Variants in GCH1 observed in about 807,000 individuals in gnomAD.
GCH1 encodes the protein GTP cyclohydrolase 1.
In GCH1, 5 loss-of-function variants were observed where a neutral mutation model predicts 25.9. That is an observed-to-expected ratio of 0.19 (90% CI 0.10 to 0.41). GCH1 has a LOEUF of 0.41. Ranked by LOEUF, GCH1 falls within the 10% of genes least tolerant of loss-of-function variation. GCH1 has a pLI of 1.00. For missense variants in GCH1, 261 were observed against 336.5 expected (o/e 0.78, Z 1.75); for synonymous variants, 159 against 129.6 (o/e 1.23, Z -1.54).
chr14:54,870,417 G>C (rs1219773090), intron 1 of GCH1, among the ~76,000 whole-genome samples: 1 of 151,710 alleles, frequency 6.6e-6, no homozygotes, highest in Non-Finnish European at 1.5e-5. Flanking sequence ...ACAGCTCCCA[G>C]TGTGAGCAAC....
chr14:54,870,800 G>C (rs1270281525), intron 1 of GCH1, among the ~76,000 whole-genome samples: 2 of 152,222 alleles, frequency 1.3e-5, no homozygotes, highest in East Asian at 3.8e-4. Flanking sequence ...GAGGCTGGGG[G>C]AGGGGCACCC....
At chr14:54,889,533 T>G (rs1022121275) in intron 1 of GCH1, among the ~76,000 whole-genome samples, 2 of 152,166 alleles carry the variant, frequency 1.3e-5, no homozygotes, top group African/African-American at 4.8e-5. Context: ...TCACAAACAT[T>G]TGGACCAACT....
At chr14:54,872,316 C>G (rs1454063235) in intron 1 of GCH1, among the ~76,000 whole-genome samples, 1 of 152,034 alleles carries the variant, frequency 6.6e-6, no homozygotes, top group Non-Finnish European at 1.5e-5. Context: ...TTGTCACCAC[C>G]ACGCCTGCCC....
intron 3 of GCH1, among the ~76,000 whole-genome samples, chr14:54,857,949 G>C (rs1297323850): frequency 6.6e-6 from 1 of 152,144 alleles, no homozygotes; most frequent in Non-Finnish European, 1.5e-5. Context: ...ATTCTTTCAT[G>C]GTGCCAAGCA....
intron 1 of GCH1, among the ~76,000 whole-genome samples, chr14:54,874,135 C>T (rs1179594187): frequency 6.6e-6 from 1 of 152,192 alleles, no homozygotes; most frequent in African/African-American, 2.4e-5. Context: ...CATCAAAAAG[C>T]TTGTCCACCA....
rs755299126 is a variant in GCH1 at position 54,902,513 on chromosome 14, C to A, written c.151G>T (p.Asp51Tyr). The change falls in exon 1 of 6, where the codon GAC becomes TAC. Residue 51 changes from aspartate to tyrosine, a missense_variant. This residue lies in a region of GCH1 where 125 missense variants were observed against 128.7 expected (regional missense o/e 0.97). Transcript: ENST00000491895. Reference sequence around the variant, plus strand: ...CGGGGCCGCTCGCCCTTCCAGCCGTCCGCGGGCTGCGCGCTCTTGGCCTCG... The same window carrying A: ...CGGGGCCGCTCGCCCTTCCAGCCGTACGCGGGCTGCGCGCTCTTGGCCTCG... ...RPEAKSAQPA[D>Y]GWKGERPRSE... 1 of 1,597,002 alleles carries A rather than the reference C, an allele frequency of 6.3e-7. No homozygotes were observed. Among genetic ancestry groups the A allele is most frequent in the Admixed American group, 1.7e-5 (1 of 57,892 alleles).
At chr14:54,872,161 C>A (rs1157671900) in intron 1 of GCH1, among the ~76,000 whole-genome samples, 1 of 152,184 alleles carries the variant, frequency 6.6e-6, no homozygotes, top group Non-Finnish European at 1.5e-5. Flanking sequence ...GGCAGAAACT[C>A]TACAAGCCAG....
chr14:54,861,464 G>T (rs763943826), intron 2 of GCH1, among the ~76,000 whole-genome samples: 1 of 152,050 alleles, frequency 6.6e-6, no homozygotes, highest in Non-Finnish European at 1.5e-5. Context: ...GGCCAGGAGT[G>T]GTGGCTCACA....
intron 3 of GCH1, among the ~76,000 whole-genome samples, chr14:54,854,986 T>A (rs1566663752): frequency 6.6e-6 from 1 of 152,136 alleles, no homozygotes; most frequent in Non-Finnish European, 1.5e-5. Flanking sequence ...ATACTAGTAA[T>A]TTAAACTTCA....
chr14:54,872,936 C>T lies in GCH1; in HGVS notation c.344-7500G>A, dbSNP rs957474153. Among the ~76,000 whole-genome samples the T allele has an allele frequency of 7.3e-3, 1,105 of 151,478 alleles. 15 individuals are homozygous for T. Among genetic ancestry groups the T allele is most frequent in the African/African-American group, 0.026 (1,047 of 40,938 alleles). On this transcript the variant is annotated intron_variant, in intron 1 of 5. Coordinates refer to ENST00000491895, the MANE Select transcript of GCH1 (RefSeq NM_000161.3). ...TTAACACCCCACTGTCAACATTAGA[C>T]AGATCAAAGAGACAGAAAGTTAACA...
chr14:54,901,135 G>A (rs1225708313), intron 1 of GCH1, among the ~76,000 whole-genome samples: 2 of 152,008 alleles, frequency 1.3e-5, no homozygotes, highest in African/African-American at 4.8e-5. Context: ...GGAAGACTGG[G>A]CAAAAAATAA....
At chr14:54,853,519 G>C (rs1229855415) in intron 3 of GCH1, among the ~76,000 whole-genome samples, 1 of 152,144 alleles carries the variant, frequency 6.6e-6, no homozygotes, top group East Asian at 1.9e-4. Context: ...TCCCGAAAGT[G>C]TAAAATGTAC....
At chr14:54,882,713 A>T (rs976071783) in intron 1 of GCH1, among the ~76,000 whole-genome samples, 2 of 152,170 alleles carry the variant, frequency 1.3e-5, no homozygotes, top group African/African-American at 2.4e-5. Context: ...CATTTGCTTC[A>T]AAAGCCTCTA....
At chr14:54,873,806 A>G (rs1366126936) in intron 1 of GCH1, among the ~76,000 whole-genome samples, 3 of 152,232 alleles carry the variant, frequency 2.0e-5, no homozygotes, top group African/African-American at 7.2e-5. Context: ...AAGAAGTTCA[A>G]TCTCTGAATA....
chr14:54,888,889 T>C (rs1023598992), intron 1 of GCH1, among the ~76,000 whole-genome samples: 9 of 152,132 alleles, frequency 5.9e-5, no homozygotes, highest in African/African-American at 9.7e-5. Context: ...ATTTCCAACA[T>C]GCTAAATATG....
intron 2 of GCH1, among the ~76,000 whole-genome samples, chr14:54,861,411 A>T (rs2039894514): frequency 6.6e-6 from 1 of 152,100 alleles, no homozygotes; most frequent in African/African-American, 2.4e-5. Context: ...TGGTCTTAAG[A>T]TCCTAGGTAA....
rs183130561 is a variant in GCH1 at position 54,883,202 on chromosome 14, T to C, written c.344-17766A>G. Among the ~76,000 whole-genome samples, 345 of 149,274 alleles carry C rather than the reference T, an allele frequency of 2.3e-3. 1 individual carries two copies. Among genetic ancestry groups the C allele is most frequent in the Admixed American group, 3.8e-3 (57 of 14,918 alleles). ...GCCTGGCCAACATGGTGAAACCCCATCTCTACTAAAAGTCCAAAAATTAGC... is the reference window on the plus strand; with the variant it reads ...GCCTGGCCAACATGGTGAAACCCCACCTCTACTAAAAGTCCAAAAATTAGC... On this transcript the variant is annotated intron_variant, in intron 1 of 5. Transcript: ENST00000491895.
At chr14:54,900,928 G>C (rs976872016) in intron 1 of GCH1, among the ~76,000 whole-genome samples, 1 of 150,322 alleles carries the variant, frequency 6.7e-6, no homozygotes, top group African/African-American at 2.5e-5. Flanking sequence ...TGATCCCACA[G>C]AAAACTGAAA....
Position 54,843,982 on chromosome 14 carries a change from C to A in GCH1, c.*35G>T. ...CAGACAGACAATGCTACTGGCAGTACGATCGGCAACCAACGCACACACACT... is the reference window on the plus strand; with the variant it reads ...CAGACAGACAATGCTACTGGCAGTAAGATCGGCAACCAACGCACACACACT... On this transcript the variant is annotated 3_prime_UTR_variant, in exon 6 of 6. Transcript: ENST00000491895. 1 of 1,614,136 alleles carries A rather than the reference C, an allele frequency of 6.2e-7. No homozygotes were observed. Among genetic ancestry groups the A allele is most frequent in the Non-Finnish European group, 8.5e-7 (1 of 1,179,998 alleles).
Sources: gnomAD v4.1 joint callset for allele counts (sites outside exome capture counted in the v4.1 genomes callset) on GRCh38, gnomAD v4.1.1 for gene constraint, gnomAD v4.1.1 regional missense constraint, MANE v1.5 for transcripts, NCBI Gene and HGNC (gene_info 2026-07-23, HGNC 2026-07-21) for gene names.